Variants in UXS1 observed in about 807,000 individuals in gnomAD.
UXS1 encodes UDP-glucuronate decarboxylase 1.
A neutral mutation model predicts 62.6 loss-of-function variants in UXS1; 33 were observed. The ratio of observed to expected loss-of-function variants is 0.53; its 90% CI spans 0.40 to 0.70. UXS1 has a LOEUF of 0.70. Ranked by LOEUF, UXS1 falls within the 30% of genes least tolerant of loss-of-function variation. UXS1 has a pLI of 0.00. For synonymous variants in UXS1, 213 were observed against 206.8 expected, an observed-to-expected ratio of 1.03 and a Z score of -0.26; for missense variants, 434 against 556.3, an observed-to-expected ratio of 0.78 and a Z score of 2.21.
rs527688700 is a variant in UXS1, at chr2:106,173,793, C to T, written c.95-7710G>A. ...TAGTATTCTTTTTGACTTTTTTCAACCATTTAAGAATTGTTAAAACTTTCT... is the reference window on the plus strand; with the variant it reads ...TAGTATTCTTTTTGACTTTTTTCAATCATTTAAGAATTGTTAAAACTTTCT... On this transcript the variant is annotated intron_variant, in intron 1 of 14. Transcript: ENST00000283148. Among the ~76,000 whole-genome samples, 12 of 152,296 alleles carry T rather than the reference C, an allele frequency of 7.9e-5. No homozygotes were observed. In the East Asian group the frequency reaches 2.1e-3, roughly 27 times the overall value.
intron 9 of UXS1, among the ~76,000 whole-genome samples, chr2:106,119,080 A>G (rs1679309008): frequency 6.6e-6 from 1 of 152,364 alleles, no homozygotes. Context: ...AAGATCACAC[A>G]TTTAGAACTA....
At chr2:106,185,508 T>C (rs1305704603) in intron 1 of UXS1, among the ~76,000 whole-genome samples, 3 of 151,844 alleles carry the variant, frequency 2.0e-5, no homozygotes, top group East Asian at 3.9e-4. Flanking sequence ...AGGTTTGGGG[T>C]AGAAAAAGAA....
intron 12 of UXS1, among the ~76,000 whole-genome samples, chr2:106,099,525 T>C (rs536810276): frequency 6.6e-6 from 1 of 152,140 alleles, no homozygotes; most frequent in South Asian, 2.1e-4. Context: ...ACAGAGGGGA[T>C]GACTAGCGAA....
intron 5 of UXS1, among the ~76,000 whole-genome samples, chr2:106,151,087 T>C (rs934500620): frequency 3.9e-5 from 6 of 152,240 alleles, no homozygotes; most frequent in Non-Finnish European, 8.8e-5. Context: ...ATTTTACAAG[T>C]AGATAACTTG....
intron 9 of UXS1, among the ~76,000 whole-genome samples, chr2:106,113,202 T>C (rs1043805444): frequency 1.3e-5 from 2 of 152,212 alleles, no homozygotes; most frequent in Non-Finnish European, 2.9e-5. Flanking sequence ...GAATATTTAA[T>C]AGCTAGGGAG....
In UXS1 at chr2:106,145,451, T is replaced by C. The variant is rs544210833; in HGVS notation, c.292-81A>G. The C allele has an allele frequency of 1.4e-5, 20 of 1,468,496 alleles. No homozygotes were observed. The East Asian group carries it at 3.9e-4, about 29-fold the overall frequency. The allele number at this position is 1,468,496 out of a possible 1,614,324, so 91.0% of individuals were successfully genotyped here. The stretch of plus-strand genomic sequence containing the variant: ...TGAGGACCAGCTCCACGGAGAGACA[T>C]CTCTGGTGCAGCCACGACTTAAAAC... On this transcript the variant is annotated intron_variant, in intron 5 of 14. Transcript: ENST00000283148.
Position 106,093,479 on chromosome 2 carries a change from G to C in UXS1, c.*547C>G. Reference sequence around the variant, plus strand: ...ACAGGAATATTTCAAAGTCAAGTTTGCAACTCAAAAGTAGACCTTGGAAAA... The same window carrying C: ...ACAGGAATATTTCAAAGTCAAGTTTCCAACTCAAAAGTAGACCTTGGAAAA... On this transcript the variant is annotated 3_prime_UTR_variant, in exon 15 of 15. Coordinates refer to ENST00000283148, the MANE Select transcript of UXS1 (RefSeq NM_001253875.2). The C allele has an allele frequency of 6.6e-6, 1 of 150,986 alleles. No individual in the cohort carries two copies. Among genetic ancestry groups the C allele is most frequent in the Middle Eastern group, 3.4e-3 (1 of 294 alleles). The allele number at this position is 150,986 out of a possible 1,614,324, so 9.4% of individuals were successfully genotyped here. A position where few individuals can be genotyped will look rare whatever the true frequency, so the allele number is the denominator to read the frequency against.
chr2:106,190,585 A>T (rs992894936), intron 1 of UXS1, among the ~76,000 whole-genome samples: 1 of 152,080 alleles, frequency 6.6e-6, no homozygotes, highest in East Asian at 1.9e-4. Flanking sequence ...CTCTACTAAA[A>T]ATACAAAATT....
intron 2 of UXS1, among the ~76,000 whole-genome samples, chr2:106,165,423 C>A (rs1348515550): frequency 6.6e-6 from 1 of 152,158 alleles, no homozygotes; most frequent in Non-Finnish European, 1.5e-5. Context: ...CACAACATAA[C>A]CAAGTGGAGC....
At chr2:106,165,985 G>T in intron 2 of UXS1, 71 bp downstream of exon 2, 1 of 1,409,084 alleles carries the variant, frequency 7.1e-7, no homozygotes, top group South Asian at 1.3e-5. Flanking sequence ...TGACATCCAT[G>T]GTATATATGT....
intron 1 of UXS1, among the ~76,000 whole-genome samples, chr2:106,180,469 G>A (rs1684174428): frequency 6.6e-6 from 1 of 152,182 alleles, no homozygotes; most frequent in South Asian, 2.1e-4. Flanking sequence ...ATACTACAGA[G>A]AGAAAGCTCT....
At chr2:106,166,863 T>C (rs1225846148) in intron 1 of UXS1, among the ~76,000 whole-genome samples, 1 of 152,164 alleles carries the variant, frequency 6.6e-6, no homozygotes, top group Admixed American at 6.5e-5. Flanking sequence ...TTCTCAACCT[T>C]TGTTTGAGGA....
At chr2:106,104,937 T>C (rs1456035923) in intron 10 of UXS1, 100 bp from the exon 11 acceptor site, 6 of 1,419,468 alleles carry the variant, frequency 4.2e-6, no homozygotes, top group Non-Finnish European at 4.0e-6. Flanking sequence ...TTGAAACTGA[T>C]CCCAGGGGGC....
chr2:106,138,992 G>A, intron 6 of UXS1: 1 of 494,432 alleles, frequency 2.0e-6, no homozygotes, highest in Non-Finnish European at 2.6e-6. Flanking sequence ...AATGAGAGGT[G>A]CTAGGTAAAC....
chr2:106,154,603 G>A (rs1007672601), intron 5 of UXS1, among the ~76,000 whole-genome samples: 1 of 152,200 alleles, frequency 6.6e-6, no homozygotes, highest in Non-Finnish European at 1.5e-5. Flanking sequence ...CTTCAGAGGG[G>A]CATAGGCATG....
intron 1 of UXS1, among the ~76,000 whole-genome samples, chr2:106,179,021 G>A (rs756839154): frequency 6.6e-6 from 1 of 152,140 alleles, no homozygotes; most frequent in Non-Finnish European, 1.5e-5. Context: ...TTGGGAGCAG[G>A]GCTTCATGTT....
At position 106,104,814 on chromosome 2, in the gene UXS1, T is replaced by C. The variant is rs1418911180; in HGVS notation, c.903A>G (p.Thr301=). The C allele has an allele frequency of 1.9e-6, 3 of 1,613,900 alleles. No homozygotes were observed. Among genetic ancestry groups the C allele is most frequent in the East Asian group, 2.2e-5 (1 of 44,896 alleles). Residue 301 remains threonine, a synonymous_variant, in exon 11 of 15, where the codon ACA becomes ACG. Transcript: ENST00000283148. ...PLTVYGSGSQ[T]RAFQYVSDLV... Reference sequence around the variant, plus strand: ...CTTACCTGACGTACTGGAACGCCCTTGTCTGAGACCCGGATCCGTATACCT... The same window carrying C: ...CTTACCTGACGTACTGGAACGCCCTCGTCTGAGACCCGGATCCGTATACCT...
At chr2:106,158,631 C>A (rs1042939896) in intron 4 of UXS1, among the ~76,000 whole-genome samples, 1 of 152,128 alleles carries the variant, frequency 6.6e-6, no homozygotes, top group African/African-American at 2.4e-5. Context: ...AACTGACCCC[C>A]CTCCTTGTTT....
chr2:106,098,248 G>A (rs914615180), intron 13 of UXS1, among the ~76,000 whole-genome samples: 4 of 152,246 alleles, frequency 2.6e-5, no homozygotes, highest in African/African-American at 7.2e-5. Context: ...CATGGCCTAA[G>A]AGTCCACCTT....
Sources: allele counts gnomAD v4.1 joint callset (sites outside exome capture counted in the v4.1 genomes callset), GRCh38; gene constraint gnomAD v4.1.1; transcripts MANE v1.5; gene names NCBI Gene and HGNC (gene_info 2026-07-23, HGNC 2026-07-21).